CUBN: variants seen among roughly 807,000 people sequenced by gnomAD.
CUBN encodes the protein cubilin, also known as 460 kDa receptor.
In CUBN, 282 loss-of-function variants were observed where a neutral mutation model predicts 405.3. The ratio of observed to expected loss-of-function variants is 0.70; its 90% CI spans 0.63 to 0.77. The LOEUF is 0.77. CUBN is among the 30% of genes least tolerant of loss of function. CUBN has a pLI of 0.00. For missense variants in CUBN, 4,514 were observed against 4,475.2 expected (o/e 1.01, Z -0.25); for synonymous variants, 1,684 against 1,617.0 (o/e 1.04, Z -0.99).
chr10:16,985,084 T>C (rs889789543), intron 29 of CUBN, among the ~76,000 whole-genome samples: 1 of 152,040 alleles, frequency 6.6e-6, no homozygotes, highest in Non-Finnish European at 1.5e-5. Flanking sequence ...AAGAGGGAGG[T>C]TCCCTGGCAA....
intron 22 of CUBN, among the ~76,000 whole-genome samples, chr10:17,049,327 T>C (rs1187528699): frequency 2.6e-5 from 4 of 152,174 alleles, no homozygotes; most frequent in Non-Finnish European, 5.9e-5. Context: ...ACAGAGAGCT[T>C]TGGCCAGTAA....
intron 59 of CUBN, among the ~76,000 whole-genome samples, chr10:16,864,394 G>A (rs548635318): frequency 2.5e-4 from 38 of 152,040 alleles, no homozygotes; most frequent in African/African-American, 8.2e-4. Flanking sequence ...AGGGTTGGGC[G>A]GGGGGCTTGA....
intron 54 of CUBN, among the ~76,000 whole-genome samples, chr10:16,897,456 T>C (rs1239804415): frequency 1.3e-5 from 2 of 152,162 alleles, no homozygotes; most frequent in African/African-American, 4.8e-5. Context: ...CCTGAGGGAC[T>C]CTGTGTGTTT....
chr10:16,880,236 T>C (rs540662975), intron 56 of CUBN, among the ~76,000 whole-genome samples: 49 of 152,306 alleles, frequency 3.2e-4, no homozygotes, highest in Non-Finnish European at 3.5e-4. Flanking sequence ...GAGTCACTGT[T>C]GCTATTGTTT....
chr10:16,842,518 C>A (rs1045608639), intron 60 of CUBN, among the ~76,000 whole-genome samples: 20 of 152,174 alleles, frequency 1.3e-4, no homozygotes, highest in Non-Finnish European at 2.9e-5. Flanking sequence ...ATTCCTCTCT[C>A]TCTCTCTTCA....
At position 16,947,361 on chromosome 10, in the gene CUBN, C is replaced by T; in HGVS notation, c.5216G>A (p.Gly1739Asp). Residue 1739 changes from glycine to aspartate, a missense_variant, in exon 36 of 67, where the codon GGT (glycine) becomes GAT (aspartate). Transcript: ENST00000377833. ...TTVTASVSAC[G>D]GTFYMAEGIF... ...GCCTTCAGCCATGTAGAACGTTCCA[C>T]CACAAGCTGGAAGAAAATAGAAATA... 2 of 1,613,918 alleles carry T rather than the reference C, an allele frequency of 1.2e-6. No individual in the cohort carries two copies. The highest frequency in any genetic ancestry group is 1.7e-6 in the Non-Finnish European group (2 of 1,179,974).
intron 14 of CUBN, among the ~76,000 whole-genome samples, chr10:17,093,875 A>C (rs899008337): frequency 1.3e-5 from 2 of 152,096 alleles, no homozygotes; most frequent in Non-Finnish European, 2.9e-5. Flanking sequence ...AATGGAATCA[A>C]AGCAAAAAAA....
At chr10:16,908,225 A>G (rs1252423843) in intron 48 of CUBN, among the ~76,000 whole-genome samples, 1 of 151,966 alleles carries the variant, frequency 6.6e-6, no homozygotes, top group Non-Finnish European at 1.5e-5. Flanking sequence ...GGCTCACCGT[A>G]TCCTTCACTT....
At chr10:16,877,990 T>C (rs1051271207) in intron 56 of CUBN, among the ~76,000 whole-genome samples, 5 of 152,204 alleles carry the variant, frequency 3.3e-5, no homozygotes, top group Admixed American at 2.6e-4. Flanking sequence ...AATATTCTTC[T>C]AAAACATTAT....
intron 43 of CUBN, among the ~76,000 whole-genome samples, chr10:16,923,074 G>A (rs1842083791): frequency 6.6e-6 from 1 of 152,010 alleles, no homozygotes; most frequent in Non-Finnish European, 1.5e-5. Flanking sequence ...CTAAGCTCAA[G>A]TGATCCTCCT....
chr10:17,019,933 G>C lies in CUBN; in HGVS notation c.4068C>G (p.Pro1356=). 6.2e-7 allele frequency: 1 copy of C among 1,614,088 alleles called. No individual in the cohort carries two copies. ...TGGAGCTTGTAGTACTCCCTGGAGG[G>C]GGCAGGTCTACTCCACAGTAGCGTC... ...QMGRYCGVDL[P]PPGSTTSSKL... The change falls in exon 28 of 67, where the codon CCC becomes CCG. Residue 1356 remains proline, a synonymous_variant. Transcript: ENST00000377833.
chr10:17,024,146 G>A (rs1049692179), intron 27 of CUBN, among the ~76,000 whole-genome samples: 1 of 152,128 alleles, frequency 6.6e-6, no homozygotes, highest in African/African-American at 2.4e-5. Context: ...GTTGCAATAG[G>A]AAGTGATCCG....
chr10:17,081,582 T>C (rs576127044), intron 17 of CUBN, among the ~76,000 whole-genome samples: 15 of 152,336 alleles, frequency 9.8e-5, no homozygotes, highest in Non-Finnish European at 2.1e-4. Flanking sequence ...ATAATGTCAT[T>C]AGAATTTGGT....
chr10:16,831,938 A>T (rs1363835520), intron 64 of CUBN, among the ~76,000 whole-genome samples: 3 of 152,256 alleles, frequency 2.0e-5, no homozygotes, highest in African/African-American at 7.2e-5. Context: ...AATAAAGTTC[A>T]GAACGAAAGG....
Position 17,111,060 on chromosome 10 carries a change from CAA to C in CUBN, c.884-12_884-11del, listed in dbSNP as rs1188970383. ...CCATTGCCTTGCCAGCCTAGGAAAACAAGAGGATTTAAAAGTTTAGCTCTATA... is the reference window on the plus strand; with the variant it reads ...CCATTGCCTTGCCAGCCTAGGAAAACGAGGATTTAAAAGTTTAGCTCTATA... On this transcript the variant is annotated splice_polypyrimidine_tract_variant and intron_variant, in intron 8 of 66. Transcript: ENST00000377833. The C allele has an allele frequency of 1.9e-6, 3 of 1,614,010 alleles. No individual in the cohort carries two copies.
At chr10:17,084,857 A>G (rs1309509992) in intron 16 of CUBN, among the ~76,000 whole-genome samples, 1 of 152,242 alleles carries the variant, frequency 6.6e-6, no homozygotes, top group Admixed American at 6.5e-5. Context: ...AGCAAGATGT[A>G]GCCAGGGGGA....
At chr10:16,849,267 T>G (rs1179127718) in intron 60 of CUBN, among the ~76,000 whole-genome samples, 1 of 152,126 alleles carries the variant, frequency 6.6e-6, no homozygotes, top group African/African-American at 2.4e-5. Flanking sequence ...GTCTTCACAT[T>G]TATCTTTTCA....
At position 16,900,924 on chromosome 10, in the gene CUBN, G is replaced by A. The variant is rs561837418; in HGVS notation, c.8185-74C>T. On this transcript the variant is annotated intron_variant, in intron 52 of 66. Transcript: ENST00000377833. Reference sequence around the variant, plus strand: ...TACGAAGATAAGGCCCTTACAAATCGTTTAATTTTGTTTTTATTTTTATAA... The same window carrying A: ...TACGAAGATAAGGCCCTTACAAATCATTTAATTTTGTTTTTATTTTTATAA... 8.6e-5 allele frequency: 84 copies of A among 976,654 alleles called. No individual in the cohort carries two copies. The East Asian group carries it at 1.3e-3, about 15-fold the overall frequency. 60.5% of individuals were successfully genotyped at this position (976,654 alleles called of 1,614,324 possible). A position where few individuals can be genotyped will look rare whatever the true frequency, so the allele number is the denominator to read the frequency against.
intron 29 of CUBN, among the ~76,000 whole-genome samples, chr10:16,985,366 C>T (rs932992872): frequency 1.3e-5 from 2 of 152,170 alleles, no homozygotes; most frequent in Non-Finnish European, 2.9e-5. Flanking sequence ...CACAGCACAG[C>T]GAAACTCTAT....
Sources: allele counts gnomAD v4.1 joint callset (sites outside exome capture counted in the v4.1 genomes callset), GRCh38; gene constraint gnomAD v4.1.1; transcripts MANE v1.5; gene names NCBI Gene and HGNC (gene_info 2026-07-23, HGNC 2026-07-21).